The following GRIP2 variants were observed in gnomAD, a reference collection of about 807,000 sequenced individuals.
GRIP2 encodes the protein glutamate receptor interacting protein 2.
GRIP2 carries 58 observed loss-of-function variants against 108.3 expected under a neutral mutation model. That is an observed-to-expected ratio of 0.54 (90% confidence interval 0.43 to 0.67). The LOEUF (loss-of-function observed/expected upper bound fraction) is 0.67, where lower values mean the gene tolerates loss of function less well. GRIP2 is among the 30% of genes least tolerant of loss of function. The probability of loss-of-function intolerance (pLI) is 0.00; values close to 1 mark genes in which losing one functional copy is unlikely to be tolerated. For missense variants in GRIP2, 1,278 were observed against 1,430.6 expected (o/e 0.89, Z 1.72); for synonymous variants, 586 against 598.2 (o/e 0.98, Z 0.30).
rs1016563853 is a variant in GRIP2, at chr3:14,489,766, C to G, written c.*3899G>C. 4 of 152,276 alleles carry G rather than the reference C, an allele frequency of 2.6e-5. No individual in the cohort carries two copies. The highest frequency in any genetic ancestry group is 5.9e-5 in the Non-Finnish European group (4 of 68,108). The allele number at this position is 152,276 out of a possible 1,614,324, so 9.4% of individuals were successfully genotyped here. On this transcript the variant is annotated 3_prime_UTR_variant, in exon 24 of 24. Coordinates refer to ENST00000621039, the MANE Select transcript of GRIP2 (RefSeq NM_001080423.4). Reference sequence around the variant, plus strand: ...TCACCTGCTGCGGCTTTCAGTCCCTCCTCTTTAGCCTTGGGCTGACCTGCC... The same window carrying G: ...TCACCTGCTGCGGCTTTCAGTCCCTGCTCTTTAGCCTTGGGCTGACCTGCC...
the GRIP2 span, among the ~76,000 whole-genome samples, chr3:14,602,645 G>T: frequency 2.6e-5 from 4 of 151,656 alleles, no homozygotes; most frequent in African/African-American, 9.7e-5. This position sits in a 1 kb window ranked among gnomAD's most constrained non-coding sequence, Gnocchi z 4.7. Flanking sequence ...AGCCCCCGGC[G>T]GGCGCCCTGC....
At chr3:14,569,071 T>C in the GRIP2 span, among the ~76,000 whole-genome samples, 1 of 152,096 alleles carries the variant, frequency 6.6e-6, no homozygotes, top group African/African-American at 2.4e-5. Flanking sequence ...GCCATCAGGA[T>C]TACGGGGAGG....
At chr3:14,588,814 C>T in the GRIP2 span, among the ~76,000 whole-genome samples, 3 of 152,148 alleles carry the variant, frequency 2.0e-5, no homozygotes, top group Non-Finnish European at 4.4e-5. Context: ...TTTGAAGGGC[C>T]CCCCACACCT....
At chr3:14,525,395 T>G (rs747397872) in intron 3 of GRIP2, 42 bp downstream of exon 3, 7 of 1,603,264 alleles carry the variant, frequency 4.4e-6, no homozygotes, top group Non-Finnish European at 5.9e-6. Flanking sequence ...CATCATTGCC[T>G]CTGCACCCCC....
the GRIP2 span, among the ~76,000 whole-genome samples, chr3:14,585,803 T>A: frequency 1.3e-5 from 2 of 152,296 alleles, no homozygotes; most frequent in East Asian, 3.9e-4. Context: ...ACCATTTTTA[T>A]TCCATTTTAC....
chr3:14,540,760 T>C (rs1694952370), upstream of GRIP2, among the ~76,000 whole-genome samples: 1 of 151,974 alleles, frequency 6.6e-6, no homozygotes, highest in African/African-American at 2.4e-5. This position sits in a 1 kb window ranked among gnomAD's most constrained non-coding sequence, Gnocchi z 4.1. Context: ...GGACATAAGC[T>C]AGATGAAGCA....
At chr3:14,582,131 T>C in the GRIP2 span, among the ~76,000 whole-genome samples, 1 of 152,158 alleles carries the variant, frequency 6.6e-6, no homozygotes, top group Non-Finnish European at 1.5e-5. Context: ...CACTGCAGGG[T>C]ATAAGAGTCT....
chr3:14,550,401 T>G (rs562559240), intron 1 of GRIP2, among the ~76,000 whole-genome samples: 2,488 of 152,308 alleles, frequency 0.016, 84 homozygotes, highest in African/African-American at 0.057. Flanking sequence ...AGTCCCACTG[T>G]GTCAACTCAC....
At chr3:14,536,900 T>A (rs752844605) in intron 1 of GRIP2, among the ~76,000 whole-genome samples, 11 of 152,288 alleles carry the variant, frequency 7.2e-5, no homozygotes, top group Middle Eastern at 6.8e-3. Flanking sequence ...TGACTTCACC[T>A]CCTGATGCTC....
chr3:14,516,293 C>G (rs1694245978), intron 11 of GRIP2, among the ~76,000 whole-genome samples: 1 of 152,164 alleles, frequency 6.6e-6, no homozygotes, highest in South Asian at 2.1e-4. Context: ...ACCAGGTGAC[C>G]TGTACTCCTC....
chr3:14,495,254 C>T (rs562550566), intron 22 of GRIP2, among the ~76,000 whole-genome samples: 6 of 152,288 alleles, frequency 3.9e-5, no homozygotes, highest in African/African-American at 1.2e-4. Flanking sequence ...CTTTCTCTGT[C>T]CTCTGGCTCT....
the GRIP2 span, among the ~76,000 whole-genome samples, chr3:14,567,270 A>G: frequency 6.8e-6 from 1 of 146,468 alleles, no homozygotes; most frequent in Admixed American, 6.8e-5. Context: ...ACTGGAAAAA[A>G]TACCTACAAG....
chr3:14,600,800 C>T, the GRIP2 span, among the ~76,000 whole-genome samples: 1 of 152,276 alleles, frequency 6.6e-6, no homozygotes, highest in South Asian at 2.1e-4. Flanking sequence ...GATACACCAG[C>T]CACCCTCTGA....
the GRIP2 span, among the ~76,000 whole-genome samples, chr3:14,597,006 G>A: frequency 6.6e-6 from 1 of 152,150 alleles, no homozygotes; most frequent in African/African-American, 2.4e-5. Flanking sequence ...GGCCTCCCAA[G>A]TGCTAGGATT....
At chr3:14,579,296 C>T in the GRIP2 span, among the ~76,000 whole-genome samples, 5 of 152,286 alleles carry the variant, frequency 3.3e-5, no homozygotes, top group Admixed American at 6.5e-5. Context: ...TGGGAATGTT[C>T]TAATTGTACC....
chr3:14,549,410 C>A (rs1011232163), intron 1 of GRIP2, among the ~76,000 whole-genome samples: 1 of 152,224 alleles, frequency 6.6e-6, no homozygotes, highest in Non-Finnish European at 1.5e-5. Context: ...CACACCATGG[C>A]CTCTGAGCCC....
chr3:14,505,876 T>C lies in GRIP2; in HGVS notation c.2399-87A>G, dbSNP rs1693912280. The C allele has an allele frequency of 7.6e-7, 1 of 1,314,190 alleles. No homozygotes were observed. 81.4% of individuals were successfully genotyped at this position (1,314,190 alleles called of 1,614,324 possible). On this transcript the variant is annotated intron_variant, in intron 19 of 23. Transcript: ENST00000621039. The surrounding 1 kb of genome is among the most constrained non-coding windows in gnomAD (Gnocchi z 4.2). The stretch of plus-strand genomic sequence containing the variant: ...CATTTCCAGCTGTGCTGAGTGACCC[T>C]GGGGAGGTCGTTGCTCCTCTCTGGG...
the GRIP2 span, among the ~76,000 whole-genome samples, chr3:14,571,174 G>A: frequency 6.6e-6 from 1 of 152,200 alleles, no homozygotes; most frequent in East Asian, 1.9e-4. Flanking sequence ...GTGTGTGAGA[G>A]AACGTGTCTA....
chr3:14,549,219 C>G (rs1227362831), intron 1 of GRIP2, among the ~76,000 whole-genome samples: 2 of 152,202 alleles, frequency 1.3e-5, no homozygotes, highest in Non-Finnish European at 2.9e-5. Flanking sequence ...AACAATTCAT[C>G]CCTTCTAACA....
Sources: gnomAD v4.1 joint callset for allele counts (sites outside exome capture counted in the v4.1 genomes callset) on GRCh38, gnomAD v4.1.1 for gene constraint, Gnocchi (gnomAD v3.1) non-coding constraint, MANE v1.5 for transcripts, NCBI Gene and HGNC (gene_info 2026-07-23, HGNC 2026-07-21) for gene names.